Variants in SPIDR observed in about 807,000 individuals in gnomAD.
SPIDR encodes the protein DNA repair-scaffolding protein.
Under a neutral mutation model 104.6 loss-of-function variants are expected in SPIDR, and 93 were observed. That is an observed-to-expected ratio of 0.89 (90% CI 0.75 to 1.06). The LOEUF is 1.06. Ranked by LOEUF, SPIDR falls within the 50% of genes least tolerant of loss-of-function variation. The pLI is 0.00. For synonymous variants in SPIDR, 431 were observed against 416.9 expected (o/e 1.03, Z -0.41); for missense variants, 1,154 against 1,111.2 (o/e 1.04, Z -0.55).
At chr8:47,648,193 TA>T (rs2070932470) in intron 10 of SPIDR, among the ~76,000 whole-genome samples, 1 of 152,108 alleles carries the variant, frequency 6.6e-6, no homozygotes, top group Non-Finnish European at 1.5e-5. Flanking sequence ...GGTAGAAAGT[TA>T]ATTCAACTTA....
chr8:47,692,487 CTTTTTTTTT>C (rs1171012398), intron 11 of SPIDR, among the ~76,000 whole-genome samples: 2 of 119,282 alleles, frequency 1.7e-5, no homozygotes, highest in Non-Finnish European at 3.4e-5. Flanking sequence ...TCAGAATTTC[CTTTTTTTTT>C]TTTTTTTTTT....
chr8:47,711,822 A>T (rs948151530), intron 14 of SPIDR, among the ~76,000 whole-genome samples: 4 of 152,174 alleles, frequency 2.6e-5, no homozygotes, highest in Non-Finnish European at 5.9e-5. Flanking sequence ...CCTCAATATT[A>T]CTTATTCATA....
At chr8:47,385,789 A>AT (rs2059832245) in intron 5 of SPIDR, among the ~76,000 whole-genome samples, 1 of 151,766 alleles carries the variant, frequency 6.6e-6, no homozygotes. Flanking sequence ...ATTGTGGCAG[A>AT]TTTTTTCTTT....
intron 8 of SPIDR, among the ~76,000 whole-genome samples, chr8:47,580,032 G>C (rs984058934): frequency 6.6e-6 from 1 of 152,162 alleles, no homozygotes; most frequent in African/African-American, 2.4e-5. Flanking sequence ...CCGAAGATGG[G>C]AATAGTCATG....
chr8:47,330,766 T>C, intron 5 of SPIDR: 1 of 456,244 alleles, frequency 2.2e-6, no homozygotes, highest in South Asian at 1.5e-5. Flanking sequence ...AAGAGACATC[T>C]GGGTTGCTTC....
Position 47,477,161 on chromosome 8 carries a change from G to A in SPIDR, c.1097+36619G>A, listed in dbSNP as rs183841575. 3.8e-3 allele frequency among the ~76,000 whole-genome samples: 575 copies of A among 152,146 alleles called. 5 individuals carry two copies. The highest frequency in any genetic ancestry group is 0.014 in the Middle Eastern group (4 of 294). On this transcript the variant is annotated intron_variant, in intron 8 of 19. Transcript: ENST00000297423. ...GGGCCTATGAAACACTTAATGAAAC[G>A]TGGAGTCTGGTACCAGAGTCTGTAT...
chr8:47,359,252 C>CAAAA (rs11372277), intron 5 of SPIDR, among the ~76,000 whole-genome samples: 23 of 114,938 alleles, frequency 2.0e-4, no homozygotes, highest in African/African-American at 8.5e-4. Context: ...GACTCCGTCT[C>CAAAA]AAAAAAAAAA....
intron 8 of SPIDR, among the ~76,000 whole-genome samples, chr8:47,507,194 T>C (rs2081612452): frequency 6.6e-6 from 1 of 152,216 alleles, no homozygotes; most frequent in Admixed American, 6.5e-5. Flanking sequence ...TTGTCTGTGC[T>C]GGTCAATGTA....
chr8:47,693,488 C>T (rs773062272), intron 11 of SPIDR, among the ~76,000 whole-genome samples: 4 of 152,024 alleles, frequency 2.6e-5, no homozygotes, highest in Non-Finnish European at 5.9e-5. Context: ...CAGTACTGGC[C>T]GGTGGGATTG....
chr8:47,449,538 T>C (rs530948147), intron 8 of SPIDR, among the ~76,000 whole-genome samples: 30 of 152,180 alleles, frequency 2.0e-4, no homozygotes, highest in Non-Finnish European at 3.5e-4. Context: ...TGGCTCCTAT[T>C]GAAGAGACCA....
chr8:47,603,147 C>G (rs920674095), intron 10 of SPIDR, among the ~76,000 whole-genome samples: 1 of 115,778 alleles, frequency 8.6e-6, no homozygotes, highest in African/African-American at 3.4e-5. Flanking sequence ...ACTAATAAAG[C>G]CATAGGCTTT....
chr8:47,532,532 A>G (rs1433226083), intron 8 of SPIDR, among the ~76,000 whole-genome samples: 1 of 152,240 alleles, frequency 6.6e-6, no homozygotes, highest in Admixed American at 6.5e-5. Context: ...AAAATTATCA[A>G]AGATAAAGAG....
intron 8 of SPIDR, among the ~76,000 whole-genome samples, chr8:47,510,135 T>C (rs2082094400): frequency 6.6e-6 from 1 of 152,238 alleles, no homozygotes; most frequent in South Asian, 2.1e-4. Flanking sequence ...GGGGGTTTTT[T>C]TTCCTAAAAA....
chr8:47,695,379 T>A (rs936828090), intron 11 of SPIDR, among the ~76,000 whole-genome samples: 1 of 149,420 alleles, frequency 6.7e-6, no homozygotes, highest in African/African-American at 2.5e-5. Context: ...CATGCTTGGT[T>A]AAAAAAAAAA....
At chr8:47,263,482 T>C (rs1187143638) in intron 1 of SPIDR, among the ~76,000 whole-genome samples, 1 of 152,180 alleles carries the variant, frequency 6.6e-6, no homozygotes. Context: ...CACACCGGGC[T>C]AATTTTTTTT....
chr8:47,733,005 A>G (rs1471519562), intron 19 of SPIDR, among the ~76,000 whole-genome samples: 1 of 152,240 alleles, frequency 6.6e-6, no homozygotes, highest in Non-Finnish European at 1.5e-5. Flanking sequence ...CATTTTACAC[A>G]TATGCAGACA....
chr8:47,347,856 T>C (rs201342521), intron 5 of SPIDR, among the ~76,000 whole-genome samples: 1 of 152,096 alleles, frequency 6.6e-6, no homozygotes, highest in Admixed American at 6.6e-5. Context: ...TGCAGGTGAG[T>C]TGGGTCTCCT....
intron 8 of SPIDR, among the ~76,000 whole-genome samples, chr8:47,445,851 G>A (rs1554701227): frequency 1.3e-5 from 2 of 152,204 alleles, no homozygotes; most frequent in African/African-American, 4.8e-5. Context: ...CTAATCCAGA[G>A]CGAAACCCTA....
intron 8 of SPIDR, among the ~76,000 whole-genome samples, chr8:47,473,112 T>C (rs1184819992): frequency 2.0e-5 from 3 of 152,246 alleles, no homozygotes; most frequent in African/African-American, 4.8e-5. Context: ...CTCATGCTTT[T>C]GGACACATAA....
Sources: allele counts gnomAD v4.1 joint callset (sites outside exome capture counted in the v4.1 genomes callset), GRCh38; gene constraint gnomAD v4.1.1; transcripts MANE v1.5; gene names NCBI Gene and HGNC (gene_info 2026-07-23, HGNC 2026-07-21).